Variants in ATG4C observed in about 807,000 individuals in gnomAD.
ATG4C encodes cysteine protease ATG4C.
A neutral mutation model predicts 57.6 loss-of-function variants in ATG4C; 56 were observed. The ratio of observed to expected loss-of-function variants is 0.97; its 90% CI spans 0.78 to 1.21. ATG4C has a LOEUF of 1.21. ATG4C is among the 50% of genes most tolerant of loss of function. The pLI is 0.00. For synonymous variants in ATG4C, 157 were observed against 174.1 expected (o/e 0.90, Z 0.78); for missense variants, 595 against 529.8 (o/e 1.12, Z -1.21).
At chr1:62,862,888 T>C (rs1413690482) in intron 10 of ATG4C, among the ~76,000 whole-genome samples, 1 of 152,064 alleles carries the variant, frequency 6.6e-6, no homozygotes, top group African/African-American at 2.4e-5. Context: ...CCTCTGAAAT[T>C]ATCTTTTAAA....
chr1:62,852,317 A>G (rs1029246704), intron 10 of ATG4C, among the ~76,000 whole-genome samples: 2 of 152,084 alleles, frequency 1.3e-5, no homozygotes, highest in African/African-American at 4.8e-5. Flanking sequence ...TTACACAGGC[A>G]TGAGGAGAAT....
intron 9 of ATG4C, among the ~76,000 whole-genome samples, chr1:62,839,193 G>A (rs1666093686): frequency 6.6e-6 from 1 of 152,082 alleles, no homozygotes; most frequent in African/African-American, 2.4e-5. Context: ...TAAGTAGCTG[G>A]GACTATAGGT....
At chr1:62,810,084 CAT>C (rs1665027369) in intron 3 of ATG4C, among the ~76,000 whole-genome samples, 1 of 152,124 alleles carries the variant, frequency 6.6e-6, no homozygotes, top group African/African-American at 2.4e-5. Context: ...AGAAGTTCTC[CAT>C]ATGTGTGGAA....
chr1:62,863,873 T>C (rs2100373464), intron 10 of ATG4C, 119 bp from the exon 11 acceptor site: 1 of 664,344 alleles, frequency 1.5e-6, no homozygotes, highest in Admixed American at 3.6e-5. Flanking sequence ...TAGCACTGGG[T>C]GAATGTAAAT....
intron 1 of ATG4C, among the ~76,000 whole-genome samples, chr1:62,796,163 T>G (rs1236214294): frequency 6.6e-6 from 1 of 151,512 alleles, no homozygotes; most frequent in Non-Finnish European, 1.5e-5. Flanking sequence ...TTTAATTTTT[T>G]TTTTTTTAAC....
intron 9 of ATG4C, among the ~76,000 whole-genome samples, chr1:62,838,735 G>A (rs1372269155): frequency 1.3e-5 from 2 of 150,068 alleles, no homozygotes; most frequent in African/African-American, 4.9e-5. Context: ...AGCAGAGATC[G>A]CACCACTGCA....
At chr1:62,790,715 A>G (rs1664248446) in intron 1 of ATG4C, among the ~76,000 whole-genome samples, 1 of 152,198 alleles carries the variant, frequency 6.6e-6, no homozygotes, top group South Asian at 2.1e-4. Flanking sequence ...TCAGCTGGAG[A>G]ATATTAAGTT....
intron 7 of ATG4C, among the ~76,000 whole-genome samples, chr1:62,833,204 T>C (rs572223046): frequency 1.1e-4 from 16 of 152,330 alleles, no homozygotes; most frequent in African/African-American, 2.9e-4. Context: ...AGCTTAATTA[T>C]TGTTTAATAG....
intron 10 of ATG4C, among the ~76,000 whole-genome samples, chr1:62,850,894 A>G (rs1162505052): frequency 1.5e-4 from 11 of 74,420 alleles, no homozygotes; most frequent in African/African-American, 7.5e-4. Flanking sequence ...ATATATATAT[A>G]TATATATACA....
At chr1:62,828,811 C>G (rs932449947) in intron 6 of ATG4C, among the ~76,000 whole-genome samples, 5 of 151,982 alleles carry the variant, frequency 3.3e-5, no homozygotes, top group Admixed American at 3.3e-4. Context: ...TTTAATCCAT[C>G]TTGAGTTGAT....
intron 3 of ATG4C, among the ~76,000 whole-genome samples, chr1:62,811,720 T>C (rs907233985): frequency 1.8e-4 from 27 of 152,278 alleles, no homozygotes; most frequent in African/African-American, 6.0e-4. Context: ...GGGACCAAAA[T>C]GATTTAACAT....
chr1:62,788,503 GACACTTT>G (rs1254664747), intron 1 of ATG4C, among the ~76,000 whole-genome samples: 4 of 151,722 alleles, frequency 2.6e-5, no homozygotes, highest in Non-Finnish European at 5.9e-5. Flanking sequence ...GTGGCAACGT[GACACTTT>G]ACCCCCAAAT....
chr1:62,850,181 A>G (rs1666460847), intron 10 of ATG4C, among the ~76,000 whole-genome samples: 1 of 152,184 alleles, frequency 6.6e-6, no homozygotes, highest in African/African-American at 2.4e-5. Context: ...TAAAAACTGG[A>G]TCCCTTGCTC....
chr1:62,808,383 C>T (rs797022501), intron 3 of ATG4C, among the ~76,000 whole-genome samples: 6 of 150,878 alleles, frequency 4.0e-5, no homozygotes, highest in African/African-American at 1.5e-4. Context: ...AATTTAAATT[C>T]GGGTATGTGT....
At chr1:62,848,029 A>G (rs772879191) in intron 10 of ATG4C, among the ~76,000 whole-genome samples, 1 of 152,168 alleles carries the variant, frequency 6.6e-6, no homozygotes, top group Non-Finnish European at 1.5e-5. Flanking sequence ...GTAGTTAATT[A>G]TGTTGTTGAA....
intron 4 of ATG4C, 42 bp from the exon 5 acceptor site, chr1:62,818,963 C>G: frequency 1.5e-6 from 2 of 1,373,630 alleles, no homozygotes; most frequent in Non-Finnish European, 1.9e-6. Flanking sequence ...GTTAAAGTAT[C>G]TATTTAAAAG....
At chr1:62,803,067 A>G (rs1557962365) in intron 1 of ATG4C, among the ~76,000 whole-genome samples, 1 of 152,144 alleles carries the variant, frequency 6.6e-6, no homozygotes, top group Admixed American at 6.5e-5. Context: ...ACACATCTCA[A>G]TTTTCCCTAA....
intron 10 of ATG4C, among the ~76,000 whole-genome samples, chr1:62,857,749 A>G (rs1358099371): frequency 6.6e-6 from 1 of 152,092 alleles, no homozygotes; most frequent in Admixed American, 6.5e-5. Context: ...TGTGGTTCTC[A>G]TCTCTGAATG....
intron 1 of ATG4C, among the ~76,000 whole-genome samples, chr1:62,787,650 C>T (rs1664136053): frequency 2.6e-5 from 4 of 151,602 alleles, no homozygotes; most frequent in Admixed American, 2.6e-4. Flanking sequence ...GTCAGACTGC[C>T]TGGATTCATG....
Sources: gnomAD v4.1 joint callset for allele counts (sites outside exome capture counted in the v4.1 genomes callset) on GRCh38, gnomAD v4.1.1 for gene constraint, MANE v1.5 for transcripts, NCBI Gene and HGNC (gene_info 2026-07-23, HGNC 2026-07-21) for gene names.